TSHZ2: variants seen among roughly 807,000 people sequenced by gnomAD.
The protein encoded by TSHZ2 is teashirt homolog 2.
In TSHZ2, 21 loss-of-function variants were observed where a neutral mutation model predicts 74.4. That is an observed-to-expected ratio of 0.28 (90% CI 0.20 to 0.41). The LOEUF (loss-of-function observed/expected upper bound fraction) is 0.41, where lower values mean the gene tolerates loss of function less well. Among genes scored for constraint, TSHZ2 ranks in the 10% least tolerant of loss-of-function variants. The pLI is 1.00. For synonymous variants in TSHZ2, 540 were observed against 515.3 expected (o/e 1.05, Z -0.65); for missense variants, 1,244 against 1,293.5 (o/e 0.96, Z 0.59).
At chr20:53,315,034 A>C (rs539927218) in intron 2 of TSHZ2, among the ~76,000 whole-genome samples, 1 of 152,194 alleles carries the variant, frequency 6.6e-6, no homozygotes, top group African/African-American at 2.4e-5. Flanking sequence ...GCCATGTTTT[A>C]TTGGTCAAGT....
chr20:53,409,625 ACT>A, intron 2 of TSHZ2, among the ~76,000 whole-genome samples: 1 of 152,200 alleles, frequency 6.6e-6, no homozygotes, highest in East Asian at 1.9e-4. Flanking sequence ...GGTATGTGAC[ACT>A]CTGTTCATAT....
intron 1 of TSHZ2, among the ~76,000 whole-genome samples, chr20:53,244,495 G>C (rs1231242260): frequency 6.6e-6 from 1 of 152,100 alleles, no homozygotes; most frequent in East Asian, 1.9e-4. Flanking sequence ...TTCTAAACTG[G>C]AGCTACCAAA....
intron 1 of TSHZ2, among the ~76,000 whole-genome samples, chr20:53,045,282 C>T (rs1984187084): frequency 6.6e-6 from 1 of 152,316 alleles, no homozygotes; most frequent in African/African-American, 2.4e-5. Flanking sequence ...ACATTTCTCT[C>T]AACCTTCCGT....
At chr20:53,289,071 G>C (rs1411052099) in intron 2 of TSHZ2, among the ~76,000 whole-genome samples, 1 of 152,048 alleles carries the variant, frequency 6.6e-6, no homozygotes, top group African/African-American at 2.4e-5. Context: ...ACAATATTTG[G>C]TTTTCCATTC....
At chr20:53,121,736 C>A (rs191617027) in intron 1 of TSHZ2, among the ~76,000 whole-genome samples, 1 of 151,886 alleles carries the variant, frequency 6.6e-6, no homozygotes, top group Admixed American at 6.6e-5. Flanking sequence ...CATTTTCCAG[C>A]GAGATACAGC....
chr20:53,090,609 G>A (rs905291031), intron 1 of TSHZ2, among the ~76,000 whole-genome samples: 8 of 152,162 alleles, frequency 5.3e-5, no homozygotes, highest in East Asian at 1.9e-4. Flanking sequence ...CCATTTCCCC[G>A]TCTGCCAAAA....
chr20:53,427,995 T>G (rs1983716700), intron 2 of TSHZ2, among the ~76,000 whole-genome samples: 1 of 152,186 alleles, frequency 6.6e-6, no homozygotes, highest in Admixed American at 6.5e-5. Flanking sequence ...TTATCCAAAT[T>G]ATCTGATTTG....
chr20:53,283,855 T>G (rs1299387927), intron 2 of TSHZ2, among the ~76,000 whole-genome samples: 1 of 152,222 alleles, frequency 6.6e-6, no homozygotes, highest in Non-Finnish European at 1.5e-5. Flanking sequence ...CCTATTTTTA[T>G]CCAGGGAAGA....
Position 53,436,524 on chromosome 20 carries a change from TTTATTATTA to T in TSHZ2, c.*9-50602_*9-50594del, listed in dbSNP as rs754149055. Among the ~76,000 whole-genome samples the T allele has an allele frequency of 1.9e-3, 229 of 123,048 alleles. 3 individuals carry two copies. Among genetic ancestry groups the T allele is most frequent in the Middle Eastern group, 4.5e-3 (1 of 224 alleles). 80.7% of individuals were successfully genotyped at this position (123,048 alleles called of 152,430 possible). A position where few individuals can be genotyped will look rare whatever the true frequency, so the allele number is the denominator to read the frequency against. ...CTGGCCCCAGGGCTTATTTTATTTA[TTTATTATTA>T]TTATTATTATTATTATTTTTTTTTT... On this transcript the variant is annotated intron_variant, in intron 2 of 2. Transcript: ENST00000371497.
intron 1 of TSHZ2, among the ~76,000 whole-genome samples, chr20:53,041,632 A>AC (rs1400037678): frequency 5.3e-5 from 8 of 152,330 alleles, no homozygotes; most frequent in Non-Finnish European, 1.0e-4. Context: ...TCACTCTTTT[A>AC]GTTAATCCTC....
At position 53,487,547 on chromosome 20, in the gene TSHZ2, A is replaced by T. The variant is rs185312520; in HGVS notation, c.*412A>T. On this transcript the variant is annotated 3_prime_UTR_variant, in exon 3 of 3. Coordinates refer to ENST00000371497, the MANE Select transcript of TSHZ2 (RefSeq NM_173485.6). ...GGGGGAGTCTAAGTCTTCATAGTCTAATGTCCAAGTGGGTTGCACTAGATG... is the reference window on the plus strand; with the variant it reads ...GGGGGAGTCTAAGTCTTCATAGTCTTATGTCCAAGTGGGTTGCACTAGATG... 1 of 152,086 alleles carries T rather than the reference A, an allele frequency of 6.6e-6. No individual in the cohort carries two copies. Among genetic ancestry groups the T allele is most frequent in the Non-Finnish European group, 1.5e-5 (1 of 68,028 alleles). 9.4% of individuals were successfully genotyped at this position (152,086 alleles called of 1,614,324 possible). A position where few individuals can be genotyped will look rare whatever the true frequency, so the allele number is the denominator to read the frequency against.
intron 1 of TSHZ2, among the ~76,000 whole-genome samples, chr20:53,240,366 T>C (rs1338793995): frequency 6.6e-6 from 1 of 152,134 alleles, no homozygotes; most frequent in Non-Finnish European, 1.5e-5. Context: ...AACCATAGTG[T>C]CTCCTATGAT....
intron 1 of TSHZ2, among the ~76,000 whole-genome samples, chr20:53,203,785 C>T (rs1327139848): frequency 6.6e-6 from 1 of 151,834 alleles, no homozygotes; most frequent in Non-Finnish European, 1.5e-5. Context: ...ACTGCATGTC[C>T]CAAACCAAAC....
intron 1 of TSHZ2, among the ~76,000 whole-genome samples, chr20:53,001,856 C>T (rs1982453247): frequency 6.6e-6 from 1 of 152,192 alleles, no homozygotes; most frequent in Non-Finnish European, 1.5e-5. Flanking sequence ...TTTGAGAAGG[C>T]TTGTCTAGAA....
intron 2 of TSHZ2, among the ~76,000 whole-genome samples, chr20:53,469,750 A>T (rs1421566291): frequency 7.8e-6 from 1 of 127,606 alleles, no homozygotes; most frequent in African/African-American, 2.9e-5. Context: ...GGAAGGACCC[A>T]AGAAAGATAG....
rs949022949 is a variant in TSHZ2, at chr20:53,256,467, T to C, written c.3009T>C (p.Phe1003=). 3.1e-6 allele frequency: 5 copies of C among 1,614,104 alleles called. No homozygotes were observed. The highest frequency in any genetic ancestry group is 4.2e-6 in the Non-Finnish European group (5 of 1,179,946). ...AGTGTAAGTTGTGCTGTCGGACATT[T>C]GTGAGCAAACATGCGGTAAAACTCC... The part of the protein sequence containing the change: ...KFKCKLCCRT[F]VSKHAVKLHL... The change falls in exon 2 of 3, where the codon TTT becomes TTC. Residue 1003 remains phenylalanine (F), a synonymous_variant. Transcript: ENST00000371497. This position sits in a 1 kb window ranked among gnomAD's most constrained non-coding sequence, Gnocchi z 4.3.
At position 53,255,093 on chromosome 20, in the gene TSHZ2, C is replaced by A. The variant is rs756865391; in HGVS notation, c.1635C>A (p.His545Gln). 7 of 1,614,170 alleles carry A rather than the reference C, an allele frequency of 4.3e-6. No individual in the cohort carries two copies. The highest frequency in any genetic ancestry group is 1.3e-5 in the African/African-American group (1 of 75,040). ...APSWSAYPSI[H>Q]AAYQLSEGTK... ...GCTGGAGTGCCTACCCCAGCATCCA[C>A]GCAGCCTACCAGCTGTCTGAGGGCA... The change falls in exon 2 of 3, where the codon CAC becomes CAA. Residue 545 changes from histidine to glutamine, a missense_variant. By Grantham distance (24) the His-to-Gln change is conservative (BLOSUM62 0). Around this residue, in one of 6 missense-constraint regions of TSHZ2, gnomAD observed 562 missense variants for 544.0 expected, o/e 1.03. Transcript: ENST00000371497. The surrounding 1 kb of genome is among the most constrained non-coding windows in gnomAD (Gnocchi z 4.1).
chr20:53,417,839 A>C (rs1226430641), intron 2 of TSHZ2, among the ~76,000 whole-genome samples: 1 of 152,202 alleles, frequency 6.6e-6, no homozygotes, highest in Non-Finnish European at 1.5e-5. Context: ...CTTTACAAAG[A>C]AATCTGGAGA....
At chr20:53,325,620 C>G (rs1459385655) in intron 2 of TSHZ2, among the ~76,000 whole-genome samples, 1 of 152,118 alleles carries the variant, frequency 6.6e-6, no homozygotes, top group Non-Finnish European at 1.5e-5. Flanking sequence ...AAGGTCTACA[C>G]ATCGTATAAT....
Sources: allele counts gnomAD v4.1 joint callset (sites outside exome capture counted in the v4.1 genomes callset), GRCh38; gene constraint gnomAD v4.1.1; regional missense constraint gnomAD v4.1.1; non-coding constraint Gnocchi (gnomAD v3.1); transcripts MANE v1.5; gene names NCBI Gene and HGNC (gene_info 2026-07-23, HGNC 2026-07-21).